Variants in ARHGEF33 observed in about 807,000 individuals in gnomAD.
ARHGEF33 encodes DH and coiled-coil domain-containing protein ENSP00000381780.
Under a neutral mutation model 101.9 loss-of-function variants are expected in ARHGEF33, and 72 were observed. That is an observed-to-expected ratio of 0.71 (90% CI 0.58 to 0.86). The LOEUF is 0.86. Ranked by LOEUF, ARHGEF33 falls within the 40% of genes least tolerant of loss-of-function variation. The pLI is 0.00. For missense variants in ARHGEF33, 1,169 were observed against 1,111.3 expected (o/e 1.05, Z -0.74); for synonymous variants, 499 against 442.5 (o/e 1.13, Z -1.60).
At chr2:38,891,516 C>T (rs1344113161) in intron 1 of ARHGEF33, among the ~76,000 whole-genome samples, 1 of 151,902 alleles carries the variant, frequency 6.6e-6, no homozygotes, top group Non-Finnish European at 1.5e-5. Flanking sequence ...AAAGTAAAAT[C>T]ACACAAAATT....
chr2:38,968,590 C>G (rs986628948), intron 17 of ARHGEF33, among the ~76,000 whole-genome samples: 1 of 152,180 alleles, frequency 6.6e-6, no homozygotes, highest in Non-Finnish European at 1.5e-5. Flanking sequence ...TGTGGCTGTT[C>G]GGGATTCTCC....
chr2:38,973,781 C>T lies in ARHGEF33; in HGVS notation c.2551C>T (p.Gln851Ter). Residue 851 changes from glutamine to a stop codon, truncating the protein, a stop_gained, in exon 18 of 18, where the codon CAA becomes TAA. Coordinates refer to ENST00000409978, the MANE Select transcript of ARHGEF33 (RefSeq NM_001145451.5). LOFTEE classifies it high-confidence loss of function. ...CTCAATGGATCCTTCACCCACCAAA[C>T]AAGATTTCTTCAGAAACCGACTTGC... ...NPSMDPSPTK[Q>*]DFFRNRLALA... 1 of 1,549,226 alleles carries T rather than the reference C, an allele frequency of 6.5e-7. No individual in the cohort carries two copies. The highest frequency in any genetic ancestry group is 8.7e-7 in the Non-Finnish European group (1 of 1,146,270).
At chr2:38,935,355 GT>G (rs1227761865) in intron 7 of ARHGEF33, among the ~76,000 whole-genome samples, 1 of 137,112 alleles carries the variant, frequency 7.3e-6, no homozygotes, top group Non-Finnish European at 1.6e-5. Flanking sequence ...TAATTTCTGG[GT>G]TTTTTTGGGG....
intron 2 of ARHGEF33, among the ~76,000 whole-genome samples, chr2:38,902,087 C>G (rs1572739402): frequency 6.8e-6 from 1 of 147,276 alleles, no homozygotes; most frequent in East Asian, 2.1e-4. Context: ...TGCACTCCAG[C>G]TTGGGTGACA....
chr2:38,947,837 G>A (rs531355678), intron 10 of ARHGEF33, among the ~76,000 whole-genome samples: 4 of 152,196 alleles, frequency 2.6e-5, no homozygotes, highest in Admixed American at 1.3e-4. Flanking sequence ...ATCACCACCA[G>A]GTGGCACACG....
At chr2:38,900,351 T>G (rs1349066751) in intron 2 of ARHGEF33, among the ~76,000 whole-genome samples, 1 of 152,134 alleles carries the variant, frequency 6.6e-6, no homozygotes, top group South Asian at 2.1e-4. Context: ...GTGCTTGAAC[T>G]GAGCCCTGAA....
intron 9 of ARHGEF33, among the ~76,000 whole-genome samples, chr2:38,940,956 G>A (rs868302436): frequency 6.6e-6 from 1 of 152,160 alleles, no homozygotes; most frequent in South Asian, 2.1e-4. Context: ...GTAGGTCCAG[G>A]TGGAGTCAGT....
At chr2:38,967,221 C>A (rs1013427028) in intron 17 of ARHGEF33, among the ~76,000 whole-genome samples, 1 of 152,176 alleles carries the variant, frequency 6.6e-6, no homozygotes, top group Non-Finnish European at 1.5e-5. Flanking sequence ...GCTGGTTTGT[C>A]TAATTGTAAT....
intron 16 of ARHGEF33, among the ~76,000 whole-genome samples, chr2:38,965,002 C>A (rs988357713): frequency 3.3e-5 from 5 of 151,944 alleles, no homozygotes; most frequent in Non-Finnish European, 7.4e-5. Flanking sequence ...CAGAGAATTT[C>A]TGTATCTGCA....
intron 4 of ARHGEF33, among the ~76,000 whole-genome samples, chr2:38,926,079 C>T (rs557431766): frequency 6.6e-6 from 1 of 152,298 alleles, no homozygotes; most frequent in African/African-American, 2.4e-5. Flanking sequence ...GGACTCCTCT[C>T]CCCTATTTCT....
chr2:38,964,648 G>C (rs1292431745), intron 16 of ARHGEF33, among the ~76,000 whole-genome samples: 1 of 151,694 alleles, frequency 6.6e-6, no homozygotes, highest in East Asian at 1.9e-4. Context: ...GTGGAGCTCA[G>C]GTAGTAATGC....
chr2:38,951,077 C>A lies in ARHGEF33; in HGVS notation c.1009C>A (p.Gln337Lys), dbSNP rs1287370607. Residue 337 changes from glutamine to lysine, a missense_variant, in exon 11 of 18, where the codon CAA becomes AAA. Physicochemically the swap from Gln to Lys is moderately conservative, Grantham distance 53. Transcript: ENST00000409978. Reference sequence around the variant, plus strand: ...GGAAAGGGTCCTGAAGTGGCCACGCCAAGGCGTTCTTGGAGATTTATTCCT... The same window carrying A: ...GGAAAGGGTCCTGAAGTGGCCACGCAAAGGCGTTCTTGGAGATTTATTCCT... ...LQERVLKWPR[Q>K]GVLGDLFLKL... 6.4e-7 allele frequency: 1 copy of A among 1,551,836 alleles called. No homozygotes were observed. Among genetic ancestry groups the A allele is most frequent in the African/African-American group, 1.4e-5 (1 of 73,062 alleles).
At position 38,958,143 on chromosome 2, in the gene ARHGEF33, T is replaced by A; in HGVS notation, c.1480T>A (p.Ser494Thr). The A allele has an allele frequency of 6.4e-7, 1 of 1,551,848 alleles. No individual in the cohort carries two copies. Among genetic ancestry groups the A allele is most frequent in the African/African-American group, 1.4e-5 (1 of 73,154 alleles). The change falls in exon 15 of 18, where the codon TCA becomes ACA. Residue 494 changes from serine to threonine, a missense_variant. By Grantham distance (58) the Ser-to-Thr change is moderately conservative (BLOSUM62 1). Coordinates refer to ENST00000409978, the MANE Select transcript of ARHGEF33 (RefSeq NM_001145451.5). ...GGCTGTCCGTGACACTGGGATCCAC[T>A]CAGAAGAGTTGCTGCAACCCTACCC... is the stretch of plus-strand genomic sequence containing the variant. Reference protein sequence around the residue: ...PEAVRDTGIHSEELLQPYPSA... With the variant: ...PEAVRDTGIHTEELLQPYPSA...
At chr2:38,910,104 A>T (rs1034127238) in intron 2 of ARHGEF33, among the ~76,000 whole-genome samples, 3 of 152,102 alleles carry the variant, frequency 2.0e-5, no homozygotes, top group African/African-American at 4.8e-5. Context: ...TATTTATAGA[A>T]CCTTCCTGTG....
chr2:38,942,099 T>C (rs1667324991), intron 9 of ARHGEF33, among the ~76,000 whole-genome samples: 1 of 151,734 alleles, frequency 6.6e-6, no homozygotes, highest in South Asian at 2.1e-4. Flanking sequence ...ATGTTGGACC[T>C]CTTGGATTGA....
Position 38,931,224 on chromosome 2 carries a change from C to G in ARHGEF33, c.478C>G (p.Leu160Val). Residue 160 changes from leucine to valine, a missense_variant, in exon 7 of 18, where the codon CTT becomes GTT. Physicochemically the swap from Leu to Val is conservative, Grantham distance 32 (BLOSUM62 1). Transcript: ENST00000409978. Reference sequence around the variant, plus strand: ...TCTTCCAAGCGAAGACTTTACCAACCTTTTGCCTTCTCAGGCCTACGAGAA... The same window carrying G: ...TCTTCCAAGCGAAGACTTTACCAACGTTTTGCCTTCTCAGGCCTACGAGAA... ...PVLPSEDFTNLLPSQAYEKAQ... is the reference protein window; with the variant it reads ...PVLPSEDFTNVLPSQAYEKAQ... The G allele has an allele frequency of 2.6e-6, 4 of 1,550,222 alleles. No homozygotes were observed. The highest frequency in any genetic ancestry group is 3.5e-6 in the Non-Finnish European group (4 of 1,146,560).
At chr2:38,932,052 A>T (rs1164665009) in intron 7 of ARHGEF33, among the ~76,000 whole-genome samples, 1 of 152,226 alleles carries the variant, frequency 6.6e-6, no homozygotes, top group Non-Finnish European at 1.5e-5. Context: ...GAATAACTGA[A>T]TCTAAAAATC....
chr2:38,973,695 C>A lies in ARHGEF33; in HGVS notation c.2484-19C>A. The A allele has an allele frequency of 6.6e-7, 1 of 1,512,050 alleles. No individual in the cohort carries two copies. The highest frequency in any genetic ancestry group is 8.9e-7 in the Non-Finnish European group (1 of 1,128,052). 93.7% of individuals were successfully genotyped at this position (1,512,050 alleles called of 1,614,324 possible). The stretch of plus-strand genomic sequence containing the variant: ...AAAACCAAATCAACCTGTACTTTAT[C>A]TGTGTGCTGAGATTTTAGGTCCAGT... On this transcript the variant is annotated intron_variant, in intron 17 of 17. Transcript: ENST00000409978.
chr2:38,937,582 G>A, intron 9 of ARHGEF33, 23 bp downstream of exon 9: 1 of 1,319,014 alleles, frequency 7.6e-7, no homozygotes, highest in Non-Finnish European at 1.1e-6. Context: ...GGGGAATGCA[G>A]GCTAATAGTT....
Sources: allele counts gnomAD v4.1 joint callset (sites outside exome capture counted in the v4.1 genomes callset), GRCh38; gene constraint gnomAD v4.1.1; transcripts MANE v1.5; gene names NCBI Gene and HGNC (gene_info 2026-07-23, HGNC 2026-07-21).